The following ABCC6 variants were observed in gnomAD, a reference collection of about 807,000 sequenced individuals.
ABCC6 encodes the protein ATP binding cassette subfamily C member 6, also known as ATP-binding cassette sub-family C member 6.
ABCC6 carries 126 observed loss-of-function variants against 169.5 expected under a neutral mutation model. That is an observed-to-expected ratio of 0.74 (90% CI 0.64 to 0.86). ABCC6 has a LOEUF of 0.86. Ranked by LOEUF, ABCC6 falls within the 40% of genes least tolerant of loss-of-function variation. The pLI, the probability that ABCC6 is intolerant of heterozygous loss-of-function variation, is 0.00. For missense variants in ABCC6, 1,733 were observed against 1,927.2 expected (o/e 0.90, Z 1.89); for synonymous variants, 752 against 814.7 (o/e 0.92, Z 1.31).
At chr16:16,194,619 C>T (rs546478250) in intron 10 of ABCC6, among the ~76,000 whole-genome samples, 1 of 152,316 alleles carries the variant, frequency 6.6e-6, no homozygotes, top group South Asian at 2.1e-4. Context: ...TGACAAGCCC[C>T]ACCCCAACTC....
intron 9 of ABCC6, among the ~76,000 whole-genome samples, chr16:16,201,625 C>T (rs907768579): frequency 2.0e-5 from 3 of 152,092 alleles, no homozygotes; most frequent in Admixed American, 6.6e-5. Context: ...GCTAGGAGTT[C>T]GAGACCAGCC....
chr16:16,185,469 C>G (rs543515566), intron 14 of ABCC6, among the ~76,000 whole-genome samples: 12 of 152,280 alleles, frequency 7.9e-5, no homozygotes, highest in African/African-American at 2.9e-4. Context: ...TCCCAGCCTT[C>G]CCAGAGTGAA....
chr16:16,192,435 A>C (rs972797958), intron 11 of ABCC6, among the ~76,000 whole-genome samples: 1 of 152,000 alleles, frequency 6.6e-6, no homozygotes, highest in Non-Finnish European at 1.5e-5. Context: ...GAGTGGAGAG[A>C]GGCTGAGGGC....
In ABCC6 at chr16:16,188,868, T is replaced by G. The variant is rs1266600508; in HGVS notation, c.1742A>C (p.Gln581Pro). Residue 581 changes from glutamine to proline, a missense_variant, in exon 13 of 31, where the codon CAG (glutamine) becomes CCG (proline). Coordinates refer to ENST00000205557, the MANE Select transcript of ABCC6 (RefSeq NM_001171.6). ...LTVLNILNKA[Q>P]AFLPFSIHSL... ...GTGGATGGAGAAGGGCAGGAAAGCCTGGGCCTTGTTGAGGATGTTGAGAAC... is the reference window on the plus strand; with the variant it reads ...GTGGATGGAGAAGGGCAGGAAAGCCGGGGCCTTGTTGAGGATGTTGAGAAC... 1.9e-6 allele frequency: 3 copies of G among 1,614,020 alleles called. No homozygotes were observed. In the African/African-American group the frequency reaches 4.0e-5, roughly 22 times the overall value.
At chr16:16,214,219 T>C in intron 5 of ABCC6, 105 bp downstream of exon 5, 10 of 1,545,390 alleles carry the variant, frequency 6.5e-6, no homozygotes, top group Non-Finnish European at 8.8e-6. Flanking sequence ...GGTACACTTT[T>C]TGCTGAATGG....
chr16:16,184,860 C>G, intron 15 of ABCC6, 99 bp downstream of exon 15: 1 of 1,350,914 alleles, frequency 7.4e-7, no homozygotes. Context: ...CAGTCCCAGG[C>G]TGGAAACCTA....
intron 14 of ABCC6, among the ~76,000 whole-genome samples, chr16:16,186,207 G>C (rs576026426): frequency 1.8e-4 from 28 of 152,266 alleles, no homozygotes; most frequent in Non-Finnish European, 3.8e-4. Context: ...ATGGGGTGGA[G>C]GGGGAAGCCC....
chr16:16,214,006 G>A (rs1199645883), intron 5 of ABCC6, among the ~76,000 whole-genome samples: 4 of 148,962 alleles, frequency 2.7e-5, no homozygotes, highest in Non-Finnish European at 4.5e-5. Context: ...GGCAAACTAT[G>A]ACCAAATCTG....
chr16:16,178,274 C>T (rs528575050), intron 18 of ABCC6, among the ~76,000 whole-genome samples: 7 of 151,918 alleles, frequency 4.6e-5, no homozygotes, highest in Non-Finnish European at 7.4e-5. Context: ...TTCCAGTGAG[C>T]GGAGATCGCA....
intron 29 of ABCC6, among the ~76,000 whole-genome samples, 185 bp downstream of exon 29, chr16:16,154,443 G>C (rs1019195417): frequency 1.1e-4 from 17 of 152,104 alleles, no homozygotes; most frequent in African/African-American, 3.9e-4. Context: ...GCTAATTTAG[G>C]GGGGAAAACC....
chr16:16,163,403 C>T (rs937778288), intron 23 of ABCC6, among the ~76,000 whole-genome samples: 2 of 152,144 alleles, frequency 1.3e-5, no homozygotes, highest in African/African-American at 4.8e-5. Context: ...ACCTGGGGAG[C>T]TTCAAAAACC....
chr16:16,178,989 G>A, intron 17 of ABCC6, 24 bp from the exon 18 acceptor site: 1 of 1,609,528 alleles, frequency 6.2e-7, no homozygotes, highest in Non-Finnish European at 8.5e-7. Flanking sequence ...AGGAACAGTG[G>A]CCTGAGTCAG....
chr16:16,221,922 TA>T (rs2049089217), intron 1 of ABCC6, 91 bp from the exon 2 acceptor site: 1 of 1,604,112 alleles, frequency 6.2e-7, no homozygotes, highest in Non-Finnish European at 8.5e-7. Context: ...TTTGGATCTT[TA>T]ACATTTACAC....
chr16:16,210,094 C>T (rs2048551463), intron 6 of ABCC6, among the ~76,000 whole-genome samples: 1 of 152,012 alleles, frequency 6.6e-6, no homozygotes, highest in Non-Finnish European at 1.5e-5. Context: ...TGGTCTCTGA[C>T]TCTTCTCTAA....
At chr16:16,151,693 C>G (rs1712604356) in intron 29 of ABCC6, among the ~76,000 whole-genome samples, 1 of 152,154 alleles carries the variant, frequency 6.6e-6, no homozygotes, top group Non-Finnish European at 1.5e-5. Flanking sequence ...TGTATATATT[C>G]ACTCAATCCT....
intron 18 of ABCC6, 87 bp from the exon 19 acceptor site, chr16:16,177,713 C>T (rs966168574): frequency 2.0e-6 from 3 of 1,521,190 alleles, no homozygotes; most frequent in African/African-American, 2.7e-5. Flanking sequence ...GAAGCCAAAG[C>T]ATGTGGATCA....
intron 23 of ABCC6, among the ~76,000 whole-genome samples, chr16:16,163,973 C>T (rs1215334598): frequency 2.6e-5 from 4 of 152,116 alleles, no homozygotes; most frequent in South Asian, 2.1e-4. Context: ...AGCCCATCCT[C>T]GGAGTCAAGT....
chr16:16,208,037 TGAG>T (rs1332321945), intron 7 of ABCC6, among the ~76,000 whole-genome samples: 2 of 152,016 alleles, frequency 1.3e-5, no homozygotes, highest in African/African-American at 2.4e-5. Context: ...ATGAGAAAAC[TGAG>T]GCCCAGGAAA....
intron 30 of ABCC6, 26 bp from the exon 31 acceptor site, chr16:16,150,267 G>A (rs769366148): frequency 1.9e-6 from 3 of 1,613,606 alleles, no homozygotes; most frequent in Non-Finnish European, 8.5e-7. Context: ...AGACAGAGAG[G>A]CTCTTTGGAC....
Sources: allele counts gnomAD v4.1 joint callset (sites outside exome capture counted in the v4.1 genomes callset), GRCh38; gene constraint gnomAD v4.1.1; transcripts MANE v1.5; gene names NCBI Gene and HGNC (gene_info 2026-07-23, HGNC 2026-07-21).